CSMD1: variants seen among roughly 807,000 people sequenced by gnomAD.
The protein encoded by CSMD1 is CUB and Sushi multiple domains 1, also known as CUB and sushi domain-containing protein 1.
CSMD1 carries 213 observed loss-of-function variants against 417.5 expected under a neutral mutation model. The observed-to-expected ratio is 0.51, with a 90% CI of 0.46 to 0.57. The LOEUF (loss-of-function observed/expected upper bound fraction) is 0.57, where lower values mean the gene tolerates loss of function less well. Ranked by LOEUF, CSMD1 falls within the 20% of genes least tolerant of loss-of-function variation. CSMD1 has a pLI of 0.00. For missense variants in CSMD1, 6,923 were observed against 4,529.7 expected, an observed-to-expected ratio of 1.53 and a Z score of -15.17; for synonymous variants, 2,862 against 1,736.8, an observed-to-expected ratio of 1.65 and a Z score of -16.11.
intron 7 of CSMD1, among the ~76,000 whole-genome samples, chr8:3,702,548 T>G (rs1038828710): frequency 6.6e-6 from 1 of 152,200 alleles, no homozygotes; most frequent in African/African-American, 2.4e-5. Flanking sequence ...AATAGAGTGC[T>G]GGCCAGGTGC....
At position 4,573,051 on chromosome 8, in the gene CSMD1, T is replaced by C. The variant is rs972263627; in HGVS notation, c.302+64291A>G. ...TATCAAGGTTCTTATCTTCCTTGTATTGGGTTAGAAAACGCTCCTTTAGCT... is the reference window on the plus strand; with the variant it reads ...TATCAAGGTTCTTATCTTCCTTGTACTGGGTTAGAAAACGCTCCTTTAGCT... On this transcript the variant is annotated intron_variant, in intron 2 of 69. Transcript: ENST00000635120. Among the ~76,000 whole-genome samples the C allele has an allele frequency of 4.6e-5, 7 of 152,180 alleles. No homozygotes were observed. The East Asian group carries it at 7.7e-4, about 17-fold the overall frequency.
At chr8:3,702,634 C>G (rs1015182812) in intron 7 of CSMD1, among the ~76,000 whole-genome samples, 4 of 152,198 alleles carry the variant, frequency 2.6e-5, no homozygotes, top group African/African-American at 9.6e-5. Flanking sequence ...AATTCAAGAT[C>G]AGCTTTTCCA....
At chr8:4,936,489 C>A (rs1438404333) in intron 1 of CSMD1, among the ~76,000 whole-genome samples, 2 of 152,144 alleles carry the variant, frequency 1.3e-5, no homozygotes, top group Non-Finnish European at 2.9e-5. Context: ...AAACTTTGCC[C>A]ACCTTTTCCA....
intron 2 of CSMD1, among the ~76,000 whole-genome samples, chr8:4,603,447 G>C (rs1455544418): frequency 6.6e-6 from 1 of 152,074 alleles, no homozygotes; most frequent in African/African-American, 2.4e-5. Flanking sequence ...ATGTACAGGA[G>C]TTAGCAAGTT....
At chr8:4,304,381 T>C (rs1186346667) in intron 3 of CSMD1, among the ~76,000 whole-genome samples, 1 of 152,140 alleles carries the variant, frequency 6.6e-6, no homozygotes, top group East Asian at 1.9e-4. Context: ...GAGCTCATGT[T>C]GTAAATAGAG....
chr8:4,389,496 A>G (rs1244463745), intron 3 of CSMD1, among the ~76,000 whole-genome samples: 3 of 152,212 alleles, frequency 2.0e-5, no homozygotes, highest in Non-Finnish European at 4.4e-5. Flanking sequence ...AATGTAAAAG[A>G]AAAATACAAA....
intron 10 of CSMD1, among the ~76,000 whole-genome samples, chr8:3,564,415 C>G (rs1402644072): frequency 1.3e-5 from 2 of 152,090 alleles, no homozygotes; most frequent in Non-Finnish European, 2.9e-5. Context: ...AGTTGCAAGT[C>G]TATTGTCTAC....
At chr8:4,462,117 C>G (rs186692713) in intron 2 of CSMD1, among the ~76,000 whole-genome samples, 226 of 152,168 alleles carry the variant, frequency 1.5e-3, no homozygotes, top group African/African-American at 5.2e-3. Context: ...TCAAGGGATC[C>G]TCCCACCTTG....
chr8:3,837,081 G>T lies in CSMD1; in HGVS notation c.819-83039C>A, dbSNP rs562021456. On this transcript the variant is annotated intron_variant, in intron 5 of 69. Coordinates refer to ENST00000635120, the MANE Select transcript of CSMD1 (RefSeq NM_033225.6). ...GGTGATTTTCAACATGAAGAGCTAG[G>T]AAGAACGCTACCATTGAGTAGATTA... 4.0e-5 allele frequency among the ~76,000 whole-genome samples: 6 copies of T among 151,392 alleles called. No homozygotes were observed. In the South Asian group the frequency reaches 1.3e-3, roughly 32 times the overall value.
intron 48 of CSMD1, among the ~76,000 whole-genome samples, chr8:3,089,357 T>C (rs975778777): frequency 1.2e-4 from 19 of 152,262 alleles, no homozygotes; most frequent in African/African-American, 4.3e-4. Flanking sequence ...TCTCATAGTA[T>C]GAAAAGGACA....
rs138682192 is a variant in CSMD1 at position 4,334,797 on chromosome 8, AT to A, written c.415+85155del. 6.5e-3 allele frequency among the ~76,000 whole-genome samples: 983 copies of A among 152,264 alleles called. 9 individuals are homozygous for A. Among genetic ancestry groups the A allele is most frequent in the African/African-American group, 0.022 (931 of 41,552 alleles). ...GGCATTTTAGTCTGTTTGGGCTGCTATGACAAAATGCCATATATTCGGAGGT... is the reference window on the plus strand; with the variant it reads ...GGCATTTTAGTCTGTTTGGGCTGCTAGACAAAATGCCATATATTCGGAGGT... On this transcript the variant is annotated intron_variant, in intron 3 of 69. Coordinates refer to ENST00000635120, the MANE Select transcript of CSMD1 (RefSeq NM_033225.6).
chr8:2,981,341 G>C (rs1403765310), intron 54 of CSMD1, among the ~76,000 whole-genome samples: 1 of 152,242 alleles, frequency 6.6e-6, no homozygotes, highest in Non-Finnish European at 1.5e-5. Flanking sequence ...GTGAGTGACA[G>C]GTGAGCTATT....
chr8:3,824,064 G>A (rs35263485), intron 5 of CSMD1, among the ~76,000 whole-genome samples: 1 of 151,850 alleles, frequency 6.6e-6, no homozygotes, highest in Non-Finnish European at 1.5e-5. Context: ...TCTTCATCCT[G>A]GTGATTTGTA....
chr8:4,255,593 A>T (rs1803398802), intron 3 of CSMD1, among the ~76,000 whole-genome samples: 1 of 152,246 alleles, frequency 6.6e-6, no homozygotes, highest in Non-Finnish European at 1.5e-5. Context: ...AAATCTTTGC[A>T]TAAAGTTGAT....
chr8:4,593,193 G>C (rs989848215), intron 2 of CSMD1, among the ~76,000 whole-genome samples: 3 of 152,160 alleles, frequency 2.0e-5, no homozygotes, highest in African/African-American at 7.2e-5. Flanking sequence ...ATACAAATGG[G>C]CCCTACAGAA....
intron 1 of CSMD1, among the ~76,000 whole-genome samples, chr8:4,717,469 T>TAC (rs1211481771): frequency 3.1e-4 from 47 of 150,922 alleles, no homozygotes; most frequent in African/African-American, 8.5e-4. Context: ...TATATATATA[T>TAC]ACACACACAC....
chr8:4,634,730 A>G (rs1802724151), intron 2 of CSMD1, among the ~76,000 whole-genome samples: 1 of 152,202 alleles, frequency 6.6e-6, no homozygotes, highest in Admixed American at 6.5e-5. Flanking sequence ...TTCCCGATTA[A>G]TTAGAATTTG....
At chr8:4,521,894 C>T (rs552336565) in intron 2 of CSMD1, among the ~76,000 whole-genome samples, 11 of 152,308 alleles carry the variant, frequency 7.2e-5, no homozygotes, top group Middle Eastern at 6.8e-3. Context: ...TCAAATTGCA[C>T]GCCATGGCAG....
At chr8:3,775,817 C>T (rs995568680) in intron 5 of CSMD1, among the ~76,000 whole-genome samples, 2 of 152,196 alleles carry the variant, frequency 1.3e-5, no homozygotes, top group African/African-American at 4.8e-5. Context: ...TCATGGGGTC[C>T]ATTGCTTTCC....
Sources: allele counts gnomAD v4.1 joint callset (sites outside exome capture counted in the v4.1 genomes callset), GRCh38; gene constraint gnomAD v4.1.1; transcripts MANE v1.5; gene names NCBI Gene and HGNC (gene_info 2026-07-23, HGNC 2026-07-21).